Variants in LINGO2 observed in about 807,000 individuals in gnomAD.
LINGO2 encodes leucine rich repeat and Ig domain containing 2.
A neutral mutation model predicts 30.6 loss-of-function variants in LINGO2; 14 were observed. That is an observed-to-expected ratio of 0.46 (90% CI 0.30 to 0.72). The LOEUF (loss-of-function observed/expected upper bound fraction) is 0.72, where lower values mean the gene tolerates loss of function less well. LINGO2 is among the 30% of genes least tolerant of loss of function. The pLI is 0.07. For missense variants in LINGO2, 729 were observed against 751.7 expected (o/e 0.97, Z 0.35); for synonymous variants, 317 against 288.5 (o/e 1.10, Z -1.00).
chr9:28,150,656 C>G (rs1205768363), intron 4 of LINGO2, among the ~76,000 whole-genome samples: 1 of 152,224 alleles, frequency 6.6e-6, no homozygotes, highest in Non-Finnish European at 1.5e-5. Context: ...TGCCACTCTT[C>G]AATCAGTTCT....
chr9:28,168,904 AC>A lies in LINGO2; in HGVS notation c.-87+126303del, dbSNP rs566542151. Among the ~76,000 whole-genome samples the A allele has an allele frequency of 8.5e-5, 13 of 152,342 alleles. No individual in the cohort carries two copies. In the East Asian group the frequency reaches 2.3e-3, roughly 27 times the overall value. ...GCTTTGCCACCCAGCATTCCTTCAT[AC>A]ATCTTTCAGTAAGTCAATGAATGAA... On this transcript the variant is annotated intron_variant, in intron 4 of 5. Coordinates refer to ENST00000379992, the Ensembl canonical transcript of LINGO2.
At chr9:28,780,482 C>G in the LINGO2 span, among the ~76,000 whole-genome samples, 1 of 151,998 alleles carries the variant, frequency 6.6e-6, no homozygotes, top group Non-Finnish European at 1.5e-5. Context: ...TCCCCACAAC[C>G]ACAACTGGTT....
the LINGO2 span, among the ~76,000 whole-genome samples, chr9:29,077,335 A>G: frequency 6.6e-6 from 1 of 152,072 alleles, no homozygotes; most frequent in Non-Finnish European, 1.5e-5. Flanking sequence ...TCTATGCTCA[A>G]GTGACTTTTT....
At chr9:28,480,080 G>A (rs950316360) in intron 1 of LINGO2, among the ~76,000 whole-genome samples, 7 of 150,466 alleles carry the variant, frequency 4.7e-5, no homozygotes, top group African/African-American at 7.3e-5. Context: ...GTTCATTTAC[G>A]TTTACAAGGA....
In LINGO2 at chr9:28,576,075, ACCTGAAC is replaced by A. The variant is rs532454345; in HGVS notation, c.-365+94118_-365+94124del. Among the ~76,000 whole-genome samples the A allele has an allele frequency of 3.0e-4, 46 of 152,256 alleles. No individual in the cohort carries two copies. In the East Asian group the frequency reaches 8.3e-3, roughly 28 times the overall value. ...TTGTAAGTCAAAATAGATTAAATAC[ACCTGAAC>A]TCCCAAACATCAAAGCTTAGCTTAG... On this transcript the variant is annotated intron_variant, in intron 1 of 5. Transcript: ENST00000379992.
chr9:28,672,453 T>A (rs1829058835), upstream of LINGO2, among the ~76,000 whole-genome samples: 1 of 152,208 alleles, frequency 6.6e-6, no homozygotes, highest in African/African-American at 2.4e-5. Flanking sequence ...GGCACTTTCA[T>A]ATGCATATCT....
chr9:28,019,959 A>C (rs951156350), intron 4 of LINGO2, among the ~76,000 whole-genome samples: 13 of 152,128 alleles, frequency 8.5e-5, no homozygotes, highest in Non-Finnish European at 1.8e-4. Flanking sequence ...CAACTGTTAA[A>C]AATAAAATCC....
At chr9:28,111,984 G>C (rs995543272) in intron 4 of LINGO2, among the ~76,000 whole-genome samples, 1 of 142,994 alleles carries the variant, frequency 7.0e-6, no homozygotes, top group Non-Finnish European at 1.5e-5. Flanking sequence ...ATGTATACAT[G>C]TGCCATGCTG....
At chr9:29,103,934 T>A in the LINGO2 span, among the ~76,000 whole-genome samples, 1 of 152,192 alleles carries the variant, frequency 6.6e-6, no homozygotes, top group Non-Finnish European at 1.5e-5. Flanking sequence ...ATAAGTCACG[T>A]AACCTTTCTG....
chr9:28,506,908 G>C (rs1820162070), intron 1 of LINGO2, among the ~76,000 whole-genome samples: 1 of 151,764 alleles, frequency 6.6e-6, no homozygotes, highest in Non-Finnish European at 1.5e-5. Context: ...TAGGAAATTT[G>C]TTTCATTAAA....
chr9:28,085,159 T>C (rs1825874130), intron 4 of LINGO2, among the ~76,000 whole-genome samples: 1 of 152,150 alleles, frequency 6.6e-6, no homozygotes, highest in African/African-American at 2.4e-5. Context: ...TAATGAACTT[T>C]ATACTGTATT....
chr9:28,804,234 T>C, the LINGO2 span, among the ~76,000 whole-genome samples: 1 of 152,098 alleles, frequency 6.6e-6, no homozygotes, highest in African/African-American at 2.4e-5. Context: ...TCTTCAGACC[T>C]TTATATACAG....
rs1823363274 is a variant in LINGO2, at chr9:28,425,330, TATATA to T, written c.-279+50605_-279+50609del. Among the ~76,000 whole-genome samples the T allele has an allele frequency of 6.6e-5, 3 of 45,318 alleles. No homozygotes were observed. The South Asian group carries it at 1.9e-3, about 29-fold the overall frequency. The allele number at this position is 45,318 out of a possible 152,430, so 29.7% of individuals were successfully genotyped here. On this transcript the variant is annotated intron_variant, in intron 2 of 5. Coordinates refer to ENST00000379992, the Ensembl canonical transcript of LINGO2. ...TATACACAGTATATATGTGTGTGTG[TATATA>T]TATATATATAAACACATACATATAC...
chr9:28,518,230 A>G (rs985096471), intron 1 of LINGO2, among the ~76,000 whole-genome samples: 23 of 152,224 alleles, frequency 1.5e-4, no homozygotes, highest in Non-Finnish European at 2.6e-4. Context: ...TGGTTTTCAA[A>G]GAGTTAAAAC....
At chr9:28,920,993 A>G in the LINGO2 span, among the ~76,000 whole-genome samples, 1 of 152,182 alleles carries the variant, frequency 6.6e-6, no homozygotes, top group African/African-American at 2.4e-5. Flanking sequence ...ATTTTTAGGA[A>G]GTATTAACTA....
intron 4 of LINGO2, among the ~76,000 whole-genome samples, chr9:28,068,744 G>C (rs1180082097): frequency 6.6e-6 from 1 of 152,106 alleles, no homozygotes; most frequent in African/African-American, 2.4e-5. Flanking sequence ...GTCTCAGACA[G>C]GGAAAGCCAA....
At chr9:28,518,700 C>T (rs1457156843) in intron 1 of LINGO2, among the ~76,000 whole-genome samples, 1 of 152,144 alleles carries the variant, frequency 6.6e-6, no homozygotes, top group Non-Finnish European at 1.5e-5. Flanking sequence ...ACTTATTATT[C>T]TTTGTCCAAT....
the LINGO2 span, among the ~76,000 whole-genome samples, chr9:29,047,352 G>T: frequency 6.6e-6 from 1 of 152,100 alleles, no homozygotes; most frequent in African/African-American, 2.4e-5. Context: ...ACCACAATGA[G>T]ATGCCATCTC....
At position 27,949,566 on chromosome 9, in the gene LINGO2, C is replaced by T. The variant is rs746922513; in HGVS notation, c.1106G>A (p.Arg369Gln). ...GCCACCAAACTGCAGGGTGGGCTGT[C>T]GCTGCAAGATCCAGAGAAGGCGGCA... The change falls in exon 6 of 6, where the codon CGA becomes CAA. Residue 369 changes from arginine (R) to glutamine (Q), a missense_variant. Transcript: ENST00000379992. 5.0e-6 allele frequency: 8 copies of T among 1,613,904 alleles called. No individual in the cohort carries two copies. The South Asian group carries it at 5.5e-5, about 11-fold the overall frequency.
Sources: allele counts gnomAD v4.1 joint callset (sites outside exome capture counted in the v4.1 genomes callset), GRCh38; gene constraint gnomAD v4.1.1; transcripts MANE v1.5; gene names NCBI Gene and HGNC (gene_info 2026-07-23, HGNC 2026-07-21).